The following COL17A1 variants were observed in gnomAD, a reference collection of about 807,000 sequenced individuals.
COL17A1 encodes collagen alpha-1(XVII) chain.
COL17A1 carries 181 observed loss-of-function variants against 218.4 expected under a neutral mutation model. The ratio of observed to expected loss-of-function variants is 0.83; its 90% CI spans 0.73 to 0.94. The LOEUF is 0.94. Ranked by LOEUF, COL17A1 falls within the 40% of genes least tolerant of loss-of-function variation. COL17A1 has a pLI of 0.00. For synonymous variants in COL17A1, 721 were observed against 731.0 expected (o/e 0.99, Z 0.22); for missense variants, 1,924 against 1,945.9 (o/e 0.99, Z 0.21).
At chr10:104,047,531 C>T (rs2086424432) in intron 31 of COL17A1, among the ~76,000 whole-genome samples, 1 of 152,238 alleles carries the variant, frequency 6.6e-6, no homozygotes, top group South Asian at 2.1e-4. Flanking sequence ...TGGCAGTTCC[C>T]TGCTGAGCTG....
At chr10:104,077,364 G>T (rs2086719443) in intron 4 of COL17A1, 58 bp downstream of exon 4, 10 of 1,364,152 alleles carry the variant, frequency 7.3e-6, no homozygotes, top group Non-Finnish European at 8.3e-6. Context: ...GGACTTTCTT[G>T]GTGTCTCTCT....
chr10:104,037,109 CG>C lies in COL17A1; in HGVS notation c.3212del (p.Ser1071TrpfsTer34). 6.2e-7 allele frequency: 1 copy of C among 1,603,960 alleles called. No homozygotes were observed. Among genetic ancestry groups the C allele is most frequent in the Non-Finnish European group, 8.5e-7 (1 of 1,175,440 alleles). ...ASHVVSYLRT[S>X]GYGVSLFSSS... ...ACGAGAACAAGCTGACACCGTACCC[CG>C]AAGCTGTCGGGAAGAAAACCTCAGG... On this transcript the variant is annotated frameshift_variant, in exon 47 of 56. Coordinates refer to ENST00000648076, the MANE Select transcript of COL17A1 (RefSeq NM_000494.4). LOFTEE classifies it high-confidence loss of function.
chr10:104,061,639 G>A (rs892290404), intron 12 of COL17A1, among the ~76,000 whole-genome samples, 166 bp from the exon 13 acceptor site: 10 of 152,110 alleles, frequency 6.6e-5, no homozygotes, highest in Non-Finnish European at 1.2e-4. Flanking sequence ...TAGATGGAAC[G>A]TTCTTAGGTA....
chr10:104,050,144 G>A lies in COL17A1; in HGVS notation c.2129-20C>T. ...GGTCACCTAAAGCAAACAAGGGGGA[G>A]GTGGAAAAAGCCACAGTTGTGAGCA... On this transcript the variant is annotated intron_variant, in intron 27 of 55. Coordinates refer to ENST00000648076, the MANE Select transcript of COL17A1 (RefSeq NM_000494.4). 1 of 1,614,070 alleles carries A rather than the reference G, an allele frequency of 6.2e-7. No individual in the cohort carries two copies. The highest frequency in any genetic ancestry group is 8.5e-7 in the Non-Finnish European group (1 of 1,179,986).
intron 44 of COL17A1, 121 bp downstream of exon 44, chr10:104,038,950 G>A (rs2086330321): frequency 4.3e-6 from 5 of 1,163,154 alleles, no homozygotes; most frequent in Non-Finnish European, 6.5e-6. Context: ...ACATGGAGAA[G>A]ACAGCCAATC....
intron 5 of COL17A1, among the ~76,000 whole-genome samples, chr10:104,074,969 G>A (rs1564686461): frequency 6.6e-6 from 1 of 152,232 alleles, no homozygotes; most frequent in African/African-American, 2.4e-5. Flanking sequence ...GAACTCAGGT[G>A]TCTTCTTCTA....
In COL17A1 at chr10:104,073,202, G is replaced by A. The variant is rs368687636; in HGVS notation, c.415+8C>T. ...ATGAATTGGACTGAACCCAGTGACA[G>A]CACTCACCTCGTGTTTGACTCCGTC... is the stretch of plus-strand genomic sequence containing the variant. On this transcript the variant is annotated splice_region_variant and intron_variant, in intron 7 of 55. Coordinates refer to ENST00000648076, the MANE Select transcript of COL17A1 (RefSeq NM_000494.4). 20 of 1,613,170 alleles carry A rather than the reference G, an allele frequency of 1.2e-5. No homozygotes were observed. The highest frequency in any genetic ancestry group is 9.3e-5 in the African/African-American group (7 of 74,878).
rs57572186 is a variant in COL17A1 at position 104,077,699 on chromosome 10, T to TTTTTG, written c.98-178_98-174dup. The stretch of plus-strand genomic sequence containing the variant: ...GCTGCCATGCTCCAGTTTCGTTGGT[T>TTTTTG]TTTTGTTTTGTTTTGTTTTGTTTTG... On this transcript the variant is annotated intron_variant, in intron 3 of 55. Coordinates refer to ENST00000648076, the MANE Select transcript of COL17A1 (RefSeq NM_000494.4). Among the ~76,000 whole-genome samples the TTTTTG allele has an allele frequency of 3.5e-3, 528 of 151,566 alleles. 2 individuals are homozygous for TTTTTG. Among genetic ancestry groups the TTTTTG allele is most frequent in the African/African-American group, 0.011 (440 of 41,240 alleles).
chr10:104,035,979 TG>T (rs1222580152), intron 48 of COL17A1, among the ~76,000 whole-genome samples: 4 of 135,428 alleles, frequency 3.0e-5, no homozygotes, highest in Non-Finnish European at 6.4e-5. Context: ...AGTGTGTTTA[TG>T]GGAATGCGTG....
At chr10:104,035,444 G>T in intron 49 of COL17A1, 30 bp downstream of exon 49, 2 of 1,613,582 alleles carry the variant, frequency 1.2e-6, no homozygotes, top group Non-Finnish European at 1.7e-6. Context: ...TCCCCAACCA[G>T]TTGGACAGAT....
rs1423808779 is a variant in COL17A1, at chr10:104,031,476, A to C, written c.*759T>G. On this transcript the variant is annotated 3_prime_UTR_variant, in exon 56 of 56. Coordinates refer to ENST00000648076, the MANE Select transcript of COL17A1 (RefSeq NM_000494.4). Reference sequence around the variant, plus strand: ...GAGCTGATGCTGTGTCCCCAGCATCAGGTTTTCTGTTTTCCCTCTTCTCCC... The same window carrying C: ...GAGCTGATGCTGTGTCCCCAGCATCCGGTTTTCTGTTTTCCCTCTTCTCCC... The C allele has an allele frequency of 6.6e-6, 1 of 152,558 alleles. No homozygotes were observed. Among genetic ancestry groups the C allele is most frequent in the African/African-American group, 2.4e-5 (1 of 41,416 alleles). The allele number at this position is 152,558 out of a possible 1,614,324, so 9.5% of individuals were successfully genotyped here.
chr10:104,050,550 T>TGAGGGTCCCATC, intron 27 of COL17A1, 71 bp downstream of exon 27: 3 of 1,610,796 alleles, frequency 1.9e-6, no homozygotes, highest in Non-Finnish European at 1.7e-6. Context: ...GACCCTACAG[T>TGAGGGTCCCATC]GAGGGTCCCA....
intron 9 of COL17A1, among the ~76,000 whole-genome samples, chr10:104,068,938 T>C (rs1352583391): frequency 6.6e-6 from 1 of 152,166 alleles, no homozygotes; most frequent in Non-Finnish European, 1.5e-5. Context: ...AGAGAAATGA[T>C]AAGCAAACCC....
chr10:104,032,745 C>A lies in COL17A1; in HGVS notation c.4367G>T (p.Gly1456Val). The A allele has an allele frequency of 6.2e-7, 1 of 1,614,170 alleles. No individual in the cohort carries two copies. The highest frequency in any genetic ancestry group is 8.5e-7 in the Non-Finnish European group (1 of 1,180,018). The change falls in exon 55 of 56, where the codon GGC becomes GTC. Residue 1456 changes from glycine (G) to valine (V), a missense_variant. Physicochemically the swap from Gly to Val is moderately radical, Grantham distance 109. Transcript: ENST00000648076. ...AGGATGACCTGGTGGCCCAGCAGGG[C>A]CCCTGTCACCTGGAAGGAAAAATGG... ...MGTPGPKGDR[G>V]PAGPPGHPGP...
At chr10:104,053,002 ACT>A in intron 23 of COL17A1, 27 bp downstream of exon 23, 2 of 1,606,306 alleles carry the variant, frequency 1.2e-6, no homozygotes, top group Non-Finnish European at 1.7e-6. Flanking sequence ...GGCATAGCTA[ACT>A]CTGCCGGTGA....
chr10:104,035,708 G>C, intron 48 of COL17A1, 145 bp from the exon 49 acceptor site: 4 of 679,020 alleles, frequency 5.9e-6, no homozygotes, highest in Non-Finnish European at 1.0e-5. Context: ...CAGAGAGGAG[G>C]AGCCCAAAGG....
rs548154687 is a variant in COL17A1 at position 104,034,554 on chromosome 10, G to C, written c.3766+67C>G. 6 of 1,570,936 alleles carry C rather than the reference G, an allele frequency of 3.8e-6. No individual in the cohort carries two copies. The East Asian group carries it at 6.9e-5, about 18-fold the overall frequency. ...TTCCTGTCCCTTTAAGTGCCTCCCT[G>C]CCCCACTTACAGGGAAAAGCAAGGC... On this transcript the variant is annotated intron_variant, in intron 51 of 55. Transcript: ENST00000648076.
chr10:104,050,733 G>A (rs2086461110), intron 26 of COL17A1, 77 bp from the exon 27 acceptor site: 2 of 1,614,110 alleles, frequency 1.2e-6, no homozygotes, highest in South Asian at 1.1e-5. Flanking sequence ...TGTCTCTGAA[G>A]ACAGGCTCCC....
chr10:104,064,521 C>T lies in COL17A1; in HGVS notation c.683G>A (p.Gly228Glu). The T allele has an allele frequency of 6.2e-7, 1 of 1,614,082 alleles. No individual in the cohort carries two copies. The highest frequency in any genetic ancestry group is 8.5e-7 in the Non-Finnish European group (1 of 1,180,002). ...SHVWSSTLPA[G>E]SSMGTYHNNM... The stretch of plus-strand genomic sequence containing the variant: ...GTTGTGATAGGTCCCCATGGAGGAC[C>T]CCGCGGGCAGGGTGGAGGACCACAC... The change falls in exon 10 of 56, where the codon GGG becomes GAG. Residue 228 changes from glycine to glutamate, a missense_variant. Gly to Glu is a moderately conservative substitution (Grantham distance 98). Coordinates refer to ENST00000648076, the MANE Select transcript of COL17A1 (RefSeq NM_000494.4).
Sources: gnomAD v4.1 joint callset for allele counts (sites outside exome capture counted in the v4.1 genomes callset) on GRCh38, gnomAD v4.1.1 for gene constraint, MANE v1.5 for transcripts, NCBI Gene and HGNC (gene_info 2026-07-23, HGNC 2026-07-21) for gene names.